Variants in IP6K1 observed in about 807,000 individuals in gnomAD.
The protein encoded by IP6K1 is inositol hexakisphosphate kinase 1.
IP6K1 carries 13 observed loss-of-function variants against 38.3 expected under a neutral mutation model. That is an observed-to-expected ratio of 0.34 (90% CI 0.22 to 0.54). The LOEUF is 0.54. Ranked by LOEUF, IP6K1 falls within the 20% of genes least tolerant of loss-of-function variation. The probability of loss-of-function intolerance (pLI) is 0.92; values close to 1 mark genes in which losing one functional copy is unlikely to be tolerated. For missense variants in IP6K1, 397 were observed against 599.8 expected (o/e 0.66, Z 3.53); for synonymous variants, 212 against 229.9 (o/e 0.92, Z 0.70).
chr3:49,763,172 C>T (rs1443168165), intron 1 of IP6K1, among the ~76,000 whole-genome samples: 1 of 146,908 alleles, frequency 6.8e-6, no homozygotes, highest in Non-Finnish European at 1.5e-5. Flanking sequence ...GGCGCAATCT[C>T]GGCTCACTGC....
At chr3:49,757,693 C>A (rs2080836234) in intron 1 of IP6K1, among the ~76,000 whole-genome samples, 1 of 152,014 alleles carries the variant, frequency 6.6e-6, no homozygotes, top group African/African-American at 2.4e-5. Context: ...ACACTCCAGC[C>A]TGGGTAACAA....
intron 3 of IP6K1, among the ~76,000 whole-genome samples, chr3:49,734,807 C>T (rs78380210): frequency 2.0e-5 from 3 of 152,312 alleles, no homozygotes; most frequent in South Asian, 4.1e-4. Flanking sequence ...GAAGCCCCCA[C>T]GGTACTTGGT....
intron 2 of IP6K1, among the ~76,000 whole-genome samples, chr3:49,743,430 A>G (rs1250413534): frequency 2.0e-5 from 3 of 151,782 alleles, no homozygotes; most frequent in Non-Finnish European, 2.9e-5. Context: ...CTTAAATCTC[A>G]GCACTATGAG....
intron 1 of IP6K1, among the ~76,000 whole-genome samples, chr3:49,771,080 C>G (rs1319849435): frequency 6.6e-6 from 1 of 151,094 alleles, no homozygotes; most frequent in Non-Finnish European, 1.5e-5. Flanking sequence ...GATCACGCTA[C>G]TACACTCCAG....
chr3:49,739,952 T>C (rs1320539255), intron 2 of IP6K1, among the ~76,000 whole-genome samples: 2 of 151,796 alleles, frequency 1.3e-5, no homozygotes, highest in Non-Finnish European at 2.9e-5. Flanking sequence ...GAGACGGAGG[T>C]TGCAGTGAGC....
intron 4 of IP6K1, among the ~76,000 whole-genome samples, chr3:49,730,329 A>G (rs542083897): frequency 1.3e-5 from 2 of 152,156 alleles, no homozygotes; most frequent in African/African-American, 4.8e-5. Context: ...GGGCCACCAC[A>G]CCCAGCCTAT....
intron 2 of IP6K1, 136 bp from the exon 3 acceptor site, chr3:49,738,558 C>G (rs1322981639): frequency 1.0e-5 from 7 of 669,408 alleles, no homozygotes; most frequent in Non-Finnish European, 1.6e-5. Flanking sequence ...AATATCAGAA[C>G]AACAGCCAGC....
chr3:49,761,791 A>G (rs575763783), intron 1 of IP6K1, among the ~76,000 whole-genome samples: 1 of 152,152 alleles, frequency 6.6e-6, no homozygotes, highest in East Asian at 1.9e-4. Context: ...CTGTCTCTAC[A>G]GAAAAAATGA....
At chr3:49,777,462 C>CT (rs888148322) in intron 1 of IP6K1, among the ~76,000 whole-genome samples, 1 of 151,616 alleles carries the variant, frequency 6.6e-6, no homozygotes, top group Non-Finnish European at 1.5e-5. Flanking sequence ...ACTCGGGAGG[C>CT]TGAGGCAGGA....
chr3:49,768,443 G>A (rs1037717741), intron 1 of IP6K1, among the ~76,000 whole-genome samples: 1 of 152,118 alleles, frequency 6.6e-6, no homozygotes, highest in Non-Finnish European at 1.5e-5. Context: ...GCACAAAAGG[G>A]AAAAAATTAT....
At chr3:49,728,692 C>T (rs1247295211) in intron 4 of IP6K1, among the ~76,000 whole-genome samples, 3 of 151,754 alleles carry the variant, frequency 2.0e-5, no homozygotes, top group African/African-American at 7.3e-5. Flanking sequence ...TCTCCTGCCT[C>T]GGCTGCCTGA....
chr3:49,761,430 T>C (rs921436702), intron 1 of IP6K1, among the ~76,000 whole-genome samples: 7 of 151,068 alleles, frequency 4.6e-5, no homozygotes, highest in Non-Finnish European at 7.4e-5. Context: ...ATCAAGACCA[T>C]GGTGAAACCC....
In IP6K1 at chr3:49,730,934, C is replaced by T. The variant is rs550868261; in HGVS notation, c.616+1857G>A. Among the ~76,000 whole-genome samples the T allele has an allele frequency of 3.3e-5, 5 of 152,166 alleles. No homozygotes were observed. The South Asian group carries it at 1.0e-3, about 32-fold the overall frequency. On this transcript the variant is annotated intron_variant, in intron 4 of 5. Transcript: ENST00000321599. ...ATGTTGGTCAGGCTGGTCTCAAACT[C>T]CCAACCTCAGGTGATCTGCCGGCCT...
intron 1 of IP6K1, among the ~76,000 whole-genome samples, chr3:49,781,691 C>A (rs1335733713): frequency 1.3e-5 from 2 of 152,124 alleles, no homozygotes; most frequent in Non-Finnish European, 2.9e-5. Context: ...TGGACTATAT[C>A]ACCTTAAATG....
intron 1 of IP6K1, among the ~76,000 whole-genome samples, chr3:49,768,802 T>C (rs1313476579): frequency 6.6e-6 from 1 of 151,938 alleles, no homozygotes; most frequent in African/African-American, 2.4e-5. Context: ...GGCGAATTCA[T>C]TGAGACAAAA....
chr3:49,729,044 CAG>C (rs1184220969), intron 4 of IP6K1, among the ~76,000 whole-genome samples: 2 of 151,520 alleles, frequency 1.3e-5, no homozygotes, highest in Admixed American at 6.6e-5. Context: ...ACCTCTGTCT[CAG>C]GGGGTTCAAG....
At chr3:49,784,948 AAAC>A (rs2081098623) in intron 1 of IP6K1, among the ~76,000 whole-genome samples, 1 of 151,952 alleles carries the variant, frequency 6.6e-6, no homozygotes, top group Non-Finnish European at 1.5e-5. Context: ...CATCTCAAAA[AAAC>A]AAAACAAAAC....
rs564200239 is a variant in IP6K1, at chr3:49,749,956, C to T, written c.-128-1788G>A. Among the ~76,000 whole-genome samples the T allele has an allele frequency of 2.6e-5, 4 of 152,062 alleles. No individual in the cohort carries two copies. The East Asian group carries it at 7.8e-4, about 29-fold the overall frequency. On this transcript the variant is annotated intron_variant, in intron 1 of 5. Coordinates refer to ENST00000321599, the MANE Select transcript of IP6K1 (RefSeq NM_153273.4). ...GTAGTATTCCTAGACTCCATTCTCT[C>T]CAAACCTGAGTATAGTGCACACATC...
chr3:49,783,286 G>C (rs2081083792), intron 1 of IP6K1, among the ~76,000 whole-genome samples: 1 of 151,864 alleles, frequency 6.6e-6, no homozygotes, highest in Non-Finnish European at 1.5e-5. Flanking sequence ...AGCCAGTGTG[G>C]TGTCTCACCC....
Sources: gnomAD v4.1 joint callset for allele counts (sites outside exome capture counted in the v4.1 genomes callset) on GRCh38, gnomAD v4.1.1 for gene constraint, MANE v1.5 for transcripts, NCBI Gene and HGNC (gene_info 2026-07-23, HGNC 2026-07-21) for gene names.